Variants in IGF2 observed in about 807,000 individuals in gnomAD.
IGF2 encodes the protein insulin-like growth factor 2.
Under a neutral mutation model 12.0 loss-of-function variants are expected in IGF2, and 2 were observed. The observed-to-expected ratio is 0.17, with a 90% CI of 0.07 to 0.52. IGF2 has a LOEUF of 0.52. IGF2 is among the 20% of genes least tolerant of loss of function. The pLI, the probability that IGF2 is intolerant of heterozygous loss-of-function variation, is 0.95. For missense variants in IGF2, 211 were observed against 268.0 expected (o/e 0.79, Z 1.48); for synonymous variants, 105 against 110.1 (o/e 0.95, Z 0.29).
the IGF2 span, chr11:2,147,916 T>C: frequency 1.2e-6 from 1 of 813,364 alleles, no homozygotes; most frequent in African/African-American, 1.8e-5. This position sits in a 1 kb window ranked among gnomAD's most constrained non-coding sequence, Gnocchi z 7.2. Flanking sequence ...CCCGGGTTCC[T>C]TCAGGTCACC....
rs1411962905 is a variant in IGF2 at position 2,138,094 on chromosome 11, T to C, written c.-7+135A>G. 98 of 369,382 alleles carry C rather than the reference T, an allele frequency of 2.7e-4. No individual in the cohort carries two copies. In the Middle Eastern group the frequency reaches 4.2e-3, roughly 16 times the overall value. 22.9% of individuals were successfully genotyped at this position (369,382 alleles called of 1,614,324 possible). A position where few individuals can be genotyped will look rare whatever the true frequency, so the allele number is the denominator to read the frequency against. On this transcript the variant is annotated intron_variant, in intron 1 of 3. Transcript: ENST00000416167. The stretch of plus-strand genomic sequence containing the variant: ...TCCGTCCTCCTCCTCCTCCTCCTCC[T>C]CCCCCCCGGGCTCAGCCGCCCCGCC...
Position 2,133,603 on chromosome 11 carries a change from T to C in IGF2, c.220A>G (p.Ser74Gly). 6.2e-7 allele frequency: 1 copy of C among 1,613,000 alleles called. No individual in the cohort carries two copies. Among genetic ancestry groups the C allele is most frequent in the Non-Finnish European group, 8.5e-7 (1 of 1,179,978 alleles). ...RGIVEECCFR[S>G]CDLALLETYC... is the part of the protein sequence containing the mutation. The stretch of plus-strand genomic sequence containing the variant: ...GTCTCCAGGAGGGCCAGGTCACAGC[T>C]GCGGAAACAGCACTCCTCAACGATG... Residue 74 changes from serine to glycine, a missense_variant, in exon 3 of 4, where the codon AGC becomes GGC. Coordinates refer to ENST00000416167, the MANE Select transcript of IGF2 (RefSeq NM_000612.6). This position sits in a 1 kb window ranked among gnomAD's most constrained non-coding sequence, Gnocchi z 8.9.
upstream of IGF2, among the ~76,000 whole-genome samples, chr11:2,144,380 G>A (rs2133629826): frequency 7.3e-6 from 1 of 137,106 alleles, no homozygotes; most frequent in Admixed American, 8.3e-5. Context: ...TGGGGGCCCG[G>A]AGCACCCCCG....
At chr11:2,141,332 G>A (rs1040348379), upstream of IGF2, 9 of 152,350 alleles carry the variant, frequency 5.9e-5, no homozygotes, top group African/African-American at 2.2e-4. Flanking sequence ...GTGTCCTGGA[G>A]GAGGGGACCC....
upstream of IGF2, chr11:2,140,557 C>T (rs1397193188): frequency 4.2e-5 from 21 of 501,170 alleles, no homozygotes; most frequent in East Asian, 8.7e-4. Context: ...GGCGGGAGCG[C>T]CTCTCCTCCG....
chr11:2,135,799 G>A (rs76060202), intron 1 of IGF2, among the ~76,000 whole-genome samples: 123 of 152,202 alleles, frequency 8.1e-4, no homozygotes, highest in Non-Finnish European at 1.4e-3. Context: ...AATTTTACAC[G>A]AGGGGTGACC....
chr11:2,134,963 C>T (rs962810124), intron 2 of IGF2, among the ~76,000 whole-genome samples: 1 of 152,170 alleles, frequency 6.6e-6, no homozygotes, highest in Admixed American at 6.5e-5. Flanking sequence ...GATCATTCAC[C>T]GAACGCACGT....
chr11:2,142,749 G>A (rs1309852269), upstream of IGF2, among the ~76,000 whole-genome samples: 6 of 152,196 alleles, frequency 3.9e-5, no homozygotes, highest in African/African-American at 1.2e-4. This position sits in a 1 kb window ranked among gnomAD's most constrained non-coding sequence, Gnocchi z 5.7. Context: ...GAAAGTGCTC[G>A]GAATGTTTGG....
chr11:2,149,228 G>A, the IGF2 span: 89 of 1,613,446 alleles, frequency 5.5e-5, no homozygotes, highest in South Asian at 6.6e-4. Flanking sequence ...CTGCCTGGAC[G>A]ATGATCCGCC....
upstream of IGF2, among the ~76,000 whole-genome samples, chr11:2,144,588 C>T (rs1859801800): frequency 6.6e-6 from 1 of 152,210 alleles, no homozygotes; most frequent in Non-Finnish European, 1.5e-5. Flanking sequence ...TCTTTTCGTT[C>T]TCTCCAAGCG....
rs369031795 is a variant in IGF2 at position 2,133,274 on chromosome 11, G to T, written c.307-51C>A. 6.9e-6 allele frequency: 9 copies of T among 1,297,068 alleles called. No individual in the cohort carries two copies. The highest frequency in any genetic ancestry group is 9.5e-6 in the Non-Finnish European group (9 of 942,670). 80.3% of individuals were successfully genotyped at this position (1,297,068 alleles called of 1,614,324 possible). On this transcript the variant is annotated intron_variant, in intron 3 of 3. Coordinates refer to ENST00000416167, the MANE Select transcript of IGF2 (RefSeq NM_000612.6). The surrounding 1 kb of genome is among the most constrained non-coding windows in gnomAD (Gnocchi z 8.9). ...AGGTGCCTGCTCTCCACGCTCTTCC[G>T]CCTGAGCCGCCCGCCTGACCTGACA...
chr11:2,134,554 C>T (rs1858855923), intron 2 of IGF2, among the ~76,000 whole-genome samples: 1 of 152,226 alleles, frequency 6.6e-6, no homozygotes, highest in South Asian at 2.1e-4. Flanking sequence ...ATCCTGTGAG[C>T]CCATTTCACA....
At chr11:2,140,502 C>A (rs927697813), upstream of IGF2, 7 of 578,044 alleles carry the variant, frequency 1.2e-5, no homozygotes, top group Non-Finnish European at 1.8e-5. Context: ...GCGCGCGCCT[C>A]CCGGCGGAGT....
chr11:2,130,806 A>G lies in IGF2; in HGVS notation c.*2181T>C, dbSNP rs1332019631. 1 of 88,384 alleles carries G rather than the reference A, an allele frequency of 1.1e-5. No homozygotes were observed. The highest frequency in any genetic ancestry group is 1.4e-4 in the Admixed American group (1 of 7,130). The allele number at this position is 88,384 out of a possible 1,614,324, so 5.5% of individuals were successfully genotyped here. A position where few individuals can be genotyped will look rare whatever the true frequency, so the allele number is the denominator to read the frequency against. On this transcript the variant is annotated 3_prime_UTR_variant, in exon 4 of 4. Coordinates refer to ENST00000416167, the MANE Select transcript of IGF2 (RefSeq NM_000612.6). ...CCCCACCCACCCCTCCAACCGCCAG[A>G]CTTCCCACACTCCCCGCATCAGTGC...
chr11:2,133,041 G>C lies in IGF2; in HGVS notation c.489C>G (p.Thr163=). 6.3e-7 allele frequency: 1 copy of C among 1,593,280 alleles called. No individual in the cohort carries two copies. Among genetic ancestry groups the C allele is most frequent in the East Asian group, 2.3e-5 (1 of 44,066 alleles). The change falls in exon 4 of 4, where the codon ACC becomes ACG. Residue 163 remains threonine (T), a synonymous_variant. Coordinates refer to ENST00000416167, the MANE Select transcript of IGF2 (RefSeq NM_000612.6). The surrounding 1 kb of genome is among the most constrained non-coding windows in gnomAD (Gnocchi z 8.9). ...KRHRPLIALP[T]QDPAHGGAPP... is the part of the protein sequence containing the mutation. ...GGGCGCCCCCGTGGGCGGGGTCTTG[G>C]GTGGGTAGAGCAATCAGGGGACGGT...
chr11:2,137,148 G>A (rs1412221267), intron 1 of IGF2: 7 of 834,220 alleles, frequency 8.4e-6, no homozygotes, highest in Non-Finnish European at 1.0e-5. Flanking sequence ...AGGCTGGAGT[G>A]GGATGGCAGC....
rs984257990 is a variant in IGF2, at chr11:2,135,495, A to G, written c.29T>C (p.Leu10Pro). 1.1e-5 allele frequency: 17 copies of G among 1,613,554 alleles called. No individual in the cohort carries two copies. Among genetic ancestry groups the G allele is most frequent in the Non-Finnish European group, 1.4e-5 (16 of 1,179,890 alleles). The change falls in exon 2 of 4, where the codon CTG (leucine) becomes CCG (proline). Residue 10 changes from leucine (L) to proline (P), a missense_variant. Coordinates refer to ENST00000416167, the MANE Select transcript of IGF2 (RefSeq NM_000612.6). ...GAAGGCCAAGAAGGTGAGAAGCACC[A>G]GCATCGACTTCCCCATTGGGATTCC... MGIPMGKSMLVLLTFLAFAS... is the reference protein window; with the variant it reads MGIPMGKSMPVLLTFLAFAS...
chr11:2,147,750 G>A, the IGF2 span: 1 of 1,249,056 alleles, frequency 8.0e-7, no homozygotes, highest in Non-Finnish European at 1.0e-6. The surrounding 1 kb of genome is among the most constrained non-coding windows in gnomAD (Gnocchi z 7.2). Flanking sequence ...CAGAGCCCTG[G>A]GGCTGGGGGC....
At chr11:2,140,009 C>G, upstream of IGF2, 4 of 891,770 alleles carry the variant, frequency 4.5e-6, no homozygotes, top group East Asian at 3.2e-5. Context: ...CCGGAGCCCC[C>G]GCCAGGTGCG....
Sources: allele counts gnomAD v4.1 joint callset (sites outside exome capture counted in the v4.1 genomes callset), GRCh38; gene constraint gnomAD v4.1.1; non-coding constraint Gnocchi (gnomAD v3.1); transcripts MANE v1.5; gene names NCBI Gene and HGNC (gene_info 2026-07-23, HGNC 2026-07-21).